Variants in MRAP2 observed in about 807,000 individuals in gnomAD.
MRAP2 encodes melanocortin 2 receptor accessory protein 2.
A neutral mutation model predicts 17.4 loss-of-function variants in MRAP2; 20 were observed. The ratio of observed to expected loss-of-function variants is 1.15; its 90% CI spans 0.81 to 1.67. The LOEUF is 1.67. MRAP2 is among the 40% of genes most tolerant of loss of function. The pLI is 0.00. For missense variants in MRAP2, 238 were observed against 240.0 expected (o/e 0.99, Z 0.05); for synonymous variants, 96 against 88.4 (o/e 1.09, Z -0.48).
chr6:84,093,124 C>T (rs186462194), downstream of MRAP2, among the ~76,000 whole-genome samples: 147 of 152,270 alleles, frequency 9.7e-4, 1 homozygote, highest in African/African-American at 3.4e-3. Flanking sequence ...GTCTGATAGC[C>T]TTCATTTATC....
intron 3 of MRAP2, among the ~76,000 whole-genome samples, chr6:84,080,042 T>C (rs1273994838): frequency 6.7e-6 from 1 of 149,892 alleles, no homozygotes; most frequent in Non-Finnish European, 1.5e-5. Flanking sequence ...GTTTGTTTGA[T>C]TTTTCTTTTG....
At chr6:84,082,991 A>G (rs1299147101) in intron 3 of MRAP2, among the ~76,000 whole-genome samples, 2 of 151,990 alleles carry the variant, frequency 1.3e-5, no homozygotes, top group Non-Finnish European at 2.9e-5. Flanking sequence ...TGCCCACCTT[A>G]TCTAAAAAAA....
chr6:84,140,908 G>C, the MRAP2 span, among the ~76,000 whole-genome samples: 1 of 152,134 alleles, frequency 6.6e-6, no homozygotes, highest in Non-Finnish European at 1.5e-5. Flanking sequence ...TGGTTTTGTG[G>C]AAGACAATTC....
At position 84,090,208 on chromosome 6, in the gene MRAP2, A is replaced by G. The variant is rs553040337; in HGVS notation, c.*727A>G. On this transcript the variant is annotated 3_prime_UTR_variant, in exon 4 of 4. Coordinates refer to ENST00000257776, the MANE Select transcript of MRAP2 (RefSeq NM_138409.4). ...TACATAAAACAGTATAAACTAGGGT[A>G]CTGCCTCGTATCTCTTGTAGGCTCT... is the stretch of plus-strand genomic sequence containing the variant. 1 of 152,344 alleles carries G rather than the reference A, an allele frequency of 6.6e-6. No homozygotes were observed. The highest frequency in any genetic ancestry group is 1.9e-4 in the East Asian group (1 of 5,182). 9.4% of individuals were successfully genotyped at this position (152,344 alleles called of 1,614,324 possible). A position where few individuals can be genotyped will look rare whatever the true frequency, so the allele number is the denominator to read the frequency against.
At chr6:84,076,907 T>C (rs60595469) in intron 3 of MRAP2, among the ~76,000 whole-genome samples, 20,885 of 152,244 alleles carry the variant, frequency 0.14, 1,565 homozygotes, top group Middle Eastern at 0.27. Flanking sequence ...AAGGAGTCTA[T>C]CCTTCTGTCT....
At chr6:84,058,841 A>T (rs1359103815) in intron 2 of MRAP2, among the ~76,000 whole-genome samples, 1 of 152,250 alleles carries the variant, frequency 6.6e-6, no homozygotes, top group East Asian at 1.9e-4. Flanking sequence ...GGTCAAGTTA[A>T]TTGAAGACTG....
At chr6:84,104,730 T>C in the MRAP2 span, among the ~76,000 whole-genome samples, 1 of 152,016 alleles carries the variant, frequency 6.6e-6, no homozygotes, top group East Asian at 1.9e-4. Flanking sequence ...TAGCCAGGCA[T>C]GGTGGTGGGC....
chr6:84,033,686 G>A (rs2099485118), upstream of MRAP2: 2 of 985,264 alleles, frequency 2.0e-6, no homozygotes, highest in Middle Eastern at 5.2e-4. Context: ...GGCGGCTCCC[G>A]CGCTGCAGCC....
At chr6:84,052,217 G>A (rs907511708) in intron 1 of MRAP2, among the ~76,000 whole-genome samples, 1 of 152,178 alleles carries the variant, frequency 6.6e-6, no homozygotes, top group Non-Finnish European at 1.5e-5. Context: ...CAGCCATACA[G>A]AGAGCAGCTG....
At chr6:84,076,060 G>GT (rs1189831662) in intron 3 of MRAP2, among the ~76,000 whole-genome samples, 29 of 151,618 alleles carry the variant, frequency 1.9e-4, no homozygotes, top group African/African-American at 6.6e-4. Context: ...TTGTTCAGGA[G>GT]TTATTTTTTT....
the MRAP2 span, among the ~76,000 whole-genome samples, chr6:84,112,115 C>G: frequency 6.6e-6 from 1 of 152,162 alleles, no homozygotes; most frequent in Non-Finnish European, 1.5e-5. Flanking sequence ...ATGCTGGCCT[C>G]CTCAAATGAG....
chr6:84,120,463 T>C, the MRAP2 span, among the ~76,000 whole-genome samples: 1 of 152,186 alleles, frequency 6.6e-6, no homozygotes, highest in East Asian at 1.9e-4. Flanking sequence ...GATGTATCCA[T>C]CTTCTGTGTT....
chr6:84,134,066 G>A, the MRAP2 span, among the ~76,000 whole-genome samples: 136 of 152,352 alleles, frequency 8.9e-4, no homozygotes, highest in Admixed American at 2.7e-3. Flanking sequence ...CAGAGAGGAG[G>A]AATCTAGAGA....
rs112123491 is a variant in MRAP2, at chr6:84,041,539, C to CA, written c.-8+7656_-8+7657insA. Among the ~76,000 whole-genome samples, 980 of 152,350 alleles carry CA rather than the reference C, an allele frequency of 6.4e-3. 17 individuals carry two copies. The highest frequency in any genetic ancestry group is 0.022 in the African/African-American group (917 of 41,592). ...AGACACTCAATGCCAGCTGTGAAGG[C>CA]GCCAGGAGGGGGCTGTACCCTACAA... is the stretch of plus-strand genomic sequence containing the variant. On this transcript the variant is annotated intron_variant, in intron 1 of 3. Transcript: ENST00000257776.
intron 2 of MRAP2, among the ~76,000 whole-genome samples, chr6:84,060,124 C>T (rs749059213): frequency 4.1e-4 from 62 of 152,124 alleles, no homozygotes; most frequent in Non-Finnish European, 7.9e-4. Flanking sequence ...TGTGAATAAG[C>T]AGAGCTACTT....
At chr6:84,085,816 A>C (rs998642521) in intron 3 of MRAP2, among the ~76,000 whole-genome samples, 15 of 152,136 alleles carry the variant, frequency 9.9e-5, no homozygotes, top group African/African-American at 3.4e-4. Context: ...GAGCTTGCCA[A>C]AAACAGAATT....
intron 3 of MRAP2, among the ~76,000 whole-genome samples, chr6:84,081,585 G>A (rs777304382): frequency 9.2e-5 from 14 of 152,316 alleles, no homozygotes; most frequent in African/African-American, 2.4e-4. Flanking sequence ...TTGGGAGGCC[G>A]AAGCAGATGG....
At chr6:84,040,705 G>T (rs1006859451) in intron 1 of MRAP2, among the ~76,000 whole-genome samples, 2 of 152,292 alleles carry the variant, frequency 1.3e-5, no homozygotes, top group East Asian at 3.9e-4. Flanking sequence ...TCTTGCTATG[G>T]TTTAGTAAAG....
downstream of MRAP2, among the ~76,000 whole-genome samples, chr6:84,093,685 G>T (rs534939954): frequency 6.6e-6 from 1 of 152,170 alleles, no homozygotes; most frequent in Non-Finnish European, 1.5e-5. Flanking sequence ...TTTCTCTAGC[G>T]CTTGGGCAGT....
Sources: gnomAD v4.1 joint callset for allele counts (sites outside exome capture counted in the v4.1 genomes callset) on GRCh38, gnomAD v4.1.1 for gene constraint, MANE v1.5 for transcripts, NCBI Gene and HGNC (gene_info 2026-07-23, HGNC 2026-07-21) for gene names.